The following TP53INP1 variants were observed in gnomAD, a reference collection of about 807,000 sequenced individuals.
TP53INP1 encodes the protein tumor protein p53 inducible nuclear protein 1.
TP53INP1 carries 12 observed loss-of-function variants against 21.0 expected under a neutral mutation model. That is an observed-to-expected ratio of 0.57 (90% CI 0.37 to 0.93). The LOEUF (loss-of-function observed/expected upper bound fraction) is 0.93. TP53INP1 is among the 40% of genes least tolerant of loss of function. The probability of loss-of-function intolerance (pLI) is 0.01; values close to 1 mark genes in which losing one functional copy is unlikely to be tolerated. For synonymous variants in TP53INP1, 91 were observed against 94.8 expected (o/e 0.96, Z 0.23); for missense variants, 274 against 294.7 (o/e 0.93, Z 0.51).
At chr8:94,936,869 T>C (rs935131082) in intron 3 of TP53INP1, among the ~76,000 whole-genome samples, 3 of 152,152 alleles carry the variant, frequency 2.0e-5, no homozygotes, top group Non-Finnish European at 4.4e-5. Context: ...GACATTCCTC[T>C]TCTACTCTCT....
At chr8:94,935,578 T>G (rs1216035046) in intron 3 of TP53INP1, among the ~76,000 whole-genome samples, 1 of 152,228 alleles carries the variant, frequency 6.6e-6, no homozygotes, top group Non-Finnish European at 1.5e-5. Context: ...GGCAAGGATC[T>G]ATTTCTCTGT....
chr8:94,936,846 CAGG>C (rs1821025854), intron 3 of TP53INP1, among the ~76,000 whole-genome samples: 1 of 152,136 alleles, frequency 6.6e-6, no homozygotes, highest in South Asian at 2.1e-4. Context: ...AGTGCAGAGA[CAGG>C]CTGCATCTAG....
chr8:94,941,273 C>A (rs1014215747), intron 1 of TP53INP1, among the ~76,000 whole-genome samples, 182 bp from the exon 2 acceptor site: 1 of 152,164 alleles, frequency 6.6e-6, no homozygotes, highest in Non-Finnish European at 1.5e-5. Flanking sequence ...AATACTCTTA[C>A]TCAAATTCAA....
intron 1 of TP53INP1, among the ~76,000 whole-genome samples, chr8:94,942,880 C>T (rs1821678539): frequency 1.3e-5 from 2 of 152,092 alleles, no homozygotes; most frequent in South Asian, 4.2e-4. Context: ...CAATAGCAGG[C>T]TAGGGGAGCT....
chr8:94,931,262 G>C (rs1820363993), intron 3 of TP53INP1, among the ~76,000 whole-genome samples: 1 of 152,072 alleles, frequency 6.6e-6, no homozygotes, highest in South Asian at 2.1e-4. Flanking sequence ...ATTTGCATAT[G>C]GAAATTCTAC....
chr8:94,947,539 A>T (rs1271396526), intron 1 of TP53INP1, among the ~76,000 whole-genome samples: 2 of 152,172 alleles, frequency 1.3e-5, no homozygotes, highest in Admixed American at 1.3e-4. Context: ...ACTTATATGA[A>T]GACTAGATTC....
At chr8:94,940,713 C>T (rs1821449439) in intron 2 of TP53INP1, 117 bp downstream of exon 2, 2 of 696,428 alleles carry the variant, frequency 2.9e-6, no homozygotes, top group Admixed American at 3.1e-5. Context: ...AGACAAACTC[C>T]TGCTTACTTT....
intron 1 of TP53INP1, among the ~76,000 whole-genome samples, chr8:94,947,023 A>G (rs900708888): frequency 6.6e-6 from 1 of 152,212 alleles, no homozygotes; most frequent in Non-Finnish European, 1.5e-5. Context: ...TGCTTATTGT[A>G]TGTAACGGGG....
intron 1 of TP53INP1, among the ~76,000 whole-genome samples, chr8:94,946,011 C>G (rs1259667753): frequency 6.6e-6 from 1 of 152,044 alleles, no homozygotes; most frequent in Admixed American, 6.5e-5. Context: ...ATAAACTGAA[C>G]AAAACCACAT....
chr8:94,945,054 A>G (rs1395635552), intron 1 of TP53INP1, among the ~76,000 whole-genome samples: 2 of 152,246 alleles, frequency 1.3e-5, no homozygotes, highest in Non-Finnish European at 2.9e-5. Context: ...GACTAGTATC[A>G]TCGAGAAACT....
At chr8:94,946,948 C>A (rs796539903) in intron 1 of TP53INP1, among the ~76,000 whole-genome samples, 12 of 152,124 alleles carry the variant, frequency 7.9e-5, no homozygotes, top group African/African-American at 2.9e-4. Context: ...CATTTAGCAT[C>A]GCTGCATTTG....
At position 94,940,992 on chromosome 8, in the gene TP53INP1, T is replaced by C; in HGVS notation, c.-51A>G. On this transcript the variant is annotated 5_prime_UTR_variant, in exon 2 of 4. Coordinates refer to ENST00000342697, the MANE Select transcript of TP53INP1 (RefSeq NM_033285.4). ...CTGGATGTCTTTTATAGCTGAGATT[T>C]CAAAACCTTGTCTTTAGTTGGCCCA... is the stretch of plus-strand genomic sequence containing the variant. 1 of 1,437,380 alleles carries C rather than the reference T, an allele frequency of 7.0e-7. No individual in the cohort carries two copies. The highest frequency in any genetic ancestry group is 1.4e-5 in the African/African-American group (1 of 70,626). The allele number at this position is 1,437,380 out of a possible 1,614,324, so 89.0% of individuals were successfully genotyped here.
chr8:94,949,142 C>CA lies in TP53INP1; in HGVS notation c.-151+11_-151+12insT, dbSNP rs572827485. 8 of 149,524 alleles carry CA rather than the reference C, an allele frequency of 5.4e-5. No homozygotes were observed. Among genetic ancestry groups the CA allele is most frequent in the Non-Finnish European group, 1.0e-4 (7 of 67,034 alleles). The allele number at this position is 149,524 out of a possible 1,614,324, so 9.3% of individuals were successfully genotyped here. A position where few individuals can be genotyped will look rare whatever the true frequency, so the allele number is the denominator to read the frequency against. On this transcript the variant is annotated intron_variant, in intron 1 of 3. Transcript: ENST00000342697. ...CTGGACGGACGCCCGCCCGCCCCCC[C>CA]CCGGCACTTACGTGGGCCCGGGCCG...
At chr8:94,931,919 C>G (rs1353507355) in intron 3 of TP53INP1, among the ~76,000 whole-genome samples, 3 of 152,092 alleles carry the variant, frequency 2.0e-5, no homozygotes, top group Admixed American at 2.0e-4. Context: ...CTGCTGTGAG[C>G]CAATATCACA....
At chr8:94,948,210 C>T (rs902986176) in intron 1 of TP53INP1, among the ~76,000 whole-genome samples, 1 of 152,176 alleles carries the variant, frequency 6.6e-6, no homozygotes, top group African/African-American at 2.4e-5. Context: ...AGGTAAAATT[C>T]AGCTGCCACT....
chr8:94,933,407 A>T, intron 3 of TP53INP1, among the ~76,000 whole-genome samples: 2 of 152,336 alleles, frequency 1.3e-5, no homozygotes. Context: ...AAGAAGGAAG[A>T]AAGAAGAAGA....
rs1455119205 is a variant in TP53INP1, at chr8:94,926,719, TG to T, written c.*3759del. The T allele has an allele frequency of 6.6e-6, 1 of 152,266 alleles. No individual in the cohort carries two copies. The highest frequency in any genetic ancestry group is 2.4e-5 in the African/African-American group (1 of 41,482). 9.4% of individuals were successfully genotyped at this position (152,266 alleles called of 1,614,324 possible). ...AACTCTCCTCCCATGCAAAGGATAC[TG>T]TTGCACATAAAAGATATCCTCATCT... On this transcript the variant is annotated 3_prime_UTR_variant, in exon 4 of 4. Transcript: ENST00000342697.
Position 94,941,111 on chromosome 8 carries a change from G to C in TP53INP1, c.-150-20C>G. ...TTGTACCTAAAATAAAACAGAAAAA[G>C]GAAGTTATTTCAAATCAGCATGCAC... On this transcript the variant is annotated intron_variant, in intron 1 of 3. Transcript: ENST00000342697. 1 of 586,212 alleles carries C rather than the reference G, an allele frequency of 1.7e-6. No homozygotes were observed. Among genetic ancestry groups the C allele is most frequent in the Non-Finnish European group, 3.0e-6 (1 of 331,996 alleles). The allele number at this position is 586,212 out of a possible 1,614,324, so 36.3% of individuals were successfully genotyped here.
Position 94,929,811 on chromosome 8 carries a change from C to T in TP53INP1, c.*668G>A, listed in dbSNP as rs1820218786. Reference sequence around the variant, plus strand: ...CCTCTGTCTACAACACCTGTAATGTCTGTACCACGTCATGCAGTCACATTG... The same window carrying T: ...CCTCTGTCTACAACACCTGTAATGTTTGTACCACGTCATGCAGTCACATTG... On this transcript the variant is annotated 3_prime_UTR_variant, in exon 4 of 4. Transcript: ENST00000342697. 1 of 152,290 alleles carries T rather than the reference C, an allele frequency of 6.6e-6. No individual in the cohort carries two copies. The highest frequency in any genetic ancestry group is 1.5e-5 in the Non-Finnish European group (1 of 68,120). The allele number at this position is 152,290 out of a possible 1,614,324, so 9.4% of individuals were successfully genotyped here.
Sources: gnomAD v4.1 joint callset for allele counts (sites outside exome capture counted in the v4.1 genomes callset) on GRCh38, gnomAD v4.1.1 for gene constraint, MANE v1.5 for transcripts, NCBI Gene and HGNC (gene_info 2026-07-23, HGNC 2026-07-21) for gene names.